Variants in CNTNAP2 observed in about 807,000 individuals in gnomAD.
The protein encoded by CNTNAP2 is contactin associated protein 2, also known as contactin-associated protein-like 2.
In CNTNAP2, 98 loss-of-function variants were observed where a neutral mutation model predicts 155.2. The observed-to-expected ratio is 0.63, with a 90% CI of 0.54 to 0.75. The LOEUF (loss-of-function observed/expected upper bound fraction) is 0.75, where lower values mean the gene tolerates loss of function less well. CNTNAP2 is among the 30% of genes least tolerant of loss of function. CNTNAP2 has a pLI of 0.00. For missense variants in CNTNAP2, 1,727 were observed against 1,688.1 expected, an observed-to-expected ratio of 1.02 and a Z score of -0.40; for synonymous variants, 651 against 631.2, an observed-to-expected ratio of 1.03 and a Z score of -0.47.
At chr7:148,030,113 G>A (rs1319372299) in intron 15 of CNTNAP2, among the ~76,000 whole-genome samples, 2 of 152,172 alleles carry the variant, frequency 1.3e-5, no homozygotes, top group African/African-American at 4.8e-5. Flanking sequence ...TGTTGTATCT[G>A]TCTGTGTTGC....
intron 13 of CNTNAP2, among the ~76,000 whole-genome samples, chr7:147,797,149 C>G (rs921794160): frequency 1.4e-4 from 21 of 152,134 alleles, no homozygotes; most frequent in Non-Finnish European, 2.5e-4. Flanking sequence ...TCACATTCTC[C>G]TGTTATAATT....
At chr7:146,970,386 A>G (rs1224633271) in intron 3 of CNTNAP2, among the ~76,000 whole-genome samples, 2 of 151,808 alleles carry the variant, frequency 1.3e-5, no homozygotes, top group South Asian at 2.1e-4. Flanking sequence ...CAACCCCATC[A>G]AAAAGTGGGC....
intron 11 of CNTNAP2, among the ~76,000 whole-genome samples, chr7:147,560,425 T>G (rs565133376): frequency 6.6e-6 from 1 of 152,304 alleles, no homozygotes; most frequent in African/African-American, 2.4e-5. Context: ...ACTTTTCCTC[T>G]GCTTTTTATT....
At chr7:146,874,570 C>A (rs1047614289) in intron 3 of CNTNAP2, among the ~76,000 whole-genome samples, 1 of 152,040 alleles carries the variant, frequency 6.6e-6, no homozygotes, top group Non-Finnish European at 1.5e-5. Context: ...AACTCCTGAC[C>A]TCAGGTGATC....
intron 1 of CNTNAP2, among the ~76,000 whole-genome samples, chr7:146,362,513 G>A (rs371515214): frequency 5.3e-5 from 8 of 152,224 alleles, no homozygotes; most frequent in African/African-American, 1.9e-4. Context: ...GTGATTAAGT[G>A]CAAAATCCCT....
intron 10 of CNTNAP2, among the ~76,000 whole-genome samples, chr7:147,455,124 A>G (rs779850875): frequency 6.6e-6 from 1 of 152,136 alleles, no homozygotes; most frequent in Non-Finnish European, 1.5e-5. Flanking sequence ...TAAGTACACC[A>G]TATCTGAAAG....
rs1380968910 is a variant in CNTNAP2, at chr7:147,169,984, A to C, written c.1348+37475A>C. Among the ~76,000 whole-genome samples the C allele has an allele frequency of 2.0e-5, 3 of 151,744 alleles. No homozygotes were observed. In the South Asian group the frequency reaches 6.3e-4, roughly 32 times the overall value. On this transcript the variant is annotated intron_variant, in intron 8 of 23. Coordinates refer to ENST00000361727, the MANE Select transcript of CNTNAP2 (RefSeq NM_014141.6). ...GATTGCTTAAGAACCATTGCTGAGGAGGTAGTGGGCTCGTTTGGGGGTAAG... is the reference window on the plus strand; with the variant it reads ...GATTGCTTAAGAACCATTGCTGAGGCGGTAGTGGGCTCGTTTGGGGGTAAG...
intron 3 of CNTNAP2, among the ~76,000 whole-genome samples, chr7:146,902,604 CTT>C (rs1245619663): frequency 2.0e-5 from 3 of 152,174 alleles, no homozygotes; most frequent in African/African-American, 7.2e-5. Context: ...GCTTTCATCA[CTT>C]TCTCTTCATT....
intron 12 of CNTNAP2, among the ~76,000 whole-genome samples, chr7:147,638,019 A>G (rs1795209965): frequency 6.6e-6 from 1 of 152,218 alleles, no homozygotes; most frequent in Admixed American, 6.5e-5. Context: ...GCCAATATTC[A>G]AAATAATGAG....
intron 17 of CNTNAP2, among the ~76,000 whole-genome samples, chr7:148,163,338 G>A (rs992393651): frequency 3.3e-5 from 5 of 152,138 alleles, no homozygotes; most frequent in African/African-American, 9.7e-5. Context: ...CTGGAATAGT[G>A]CCTGATACTT....
intron 17 of CNTNAP2, among the ~76,000 whole-genome samples, chr7:148,170,994 G>T (rs932201951): frequency 1.3e-5 from 2 of 152,030 alleles, no homozygotes; most frequent in Admixed American, 6.6e-5. Context: ...GGTATTAAGT[G>T]GTCTACACAG....
chr7:146,905,959 G>A (rs1480704042), intron 3 of CNTNAP2, among the ~76,000 whole-genome samples: 1 of 152,224 alleles, frequency 6.6e-6, no homozygotes, highest in Non-Finnish European at 1.5e-5. Flanking sequence ...CCGTGCGCGA[G>A]CCGAAGCAGG....
intron 21 of CNTNAP2, among the ~76,000 whole-genome samples, chr7:148,311,352 G>T (rs1026795038): frequency 6.6e-6 from 1 of 152,158 alleles, no homozygotes; most frequent in African/African-American, 2.4e-5. Flanking sequence ...GCCAGTGGTT[G>T]TTTGCTAAGG....
chr7:146,908,040 A>C (rs892821513), intron 3 of CNTNAP2, among the ~76,000 whole-genome samples: 4 of 152,144 alleles, frequency 2.6e-5, no homozygotes, highest in African/African-American at 9.7e-5. Flanking sequence ...AACAAAGATC[A>C]AAAGAGACAA....
intron 13 of CNTNAP2, among the ~76,000 whole-genome samples, chr7:147,821,174 T>C (rs1474992359): frequency 6.6e-6 from 1 of 152,132 alleles, no homozygotes; most frequent in African/African-American, 2.4e-5. Flanking sequence ...ATTTTTATTA[T>C]ATTTTTAAAC....
At chr7:146,424,908 G>A (rs941421208) in intron 1 of CNTNAP2, among the ~76,000 whole-genome samples, 1 of 151,936 alleles carries the variant, frequency 6.6e-6, no homozygotes, top group Non-Finnish European at 1.5e-5. Context: ...AACAAGTGTT[G>A]CAAACCTCTC....
At chr7:147,438,155 A>G (rs1187395206) in intron 10 of CNTNAP2, among the ~76,000 whole-genome samples, 2 of 152,092 alleles carry the variant, frequency 1.3e-5, no homozygotes, top group South Asian at 2.1e-4. Flanking sequence ...TACATTAAAT[A>G]ATAGTGGTGA....
chr7:146,679,990 C>T (rs971698878), intron 1 of CNTNAP2, among the ~76,000 whole-genome samples: 1 of 152,058 alleles, frequency 6.6e-6, no homozygotes, highest in African/African-American at 2.4e-5. Flanking sequence ...TATCAATTTA[C>T]ATTTATATTT....
Position 146,525,774 on chromosome 7 carries a change from G to A in CNTNAP2, c.98-248497G>A, listed in dbSNP as rs376306430. 3.9e-5 allele frequency among the ~76,000 whole-genome samples: 6 copies of A among 152,254 alleles called. No homozygotes were observed. The East Asian group carries it at 1.2e-3, about 29-fold the overall frequency. ...CGAATGAGCTGAGTTGGCAGCTGCG[G>A]CACTACTGGTTGTAGTCTTGCTAGT... On this transcript the variant is annotated intron_variant, in intron 1 of 23. Coordinates refer to ENST00000361727, the MANE Select transcript of CNTNAP2 (RefSeq NM_014141.6).
Sources: allele counts gnomAD v4.1 joint callset (sites outside exome capture counted in the v4.1 genomes callset), GRCh38; gene constraint gnomAD v4.1.1; transcripts MANE v1.5; gene names NCBI Gene and HGNC (gene_info 2026-07-23, HGNC 2026-07-21).